Variants in ABCB5 observed in about 807,000 individuals in gnomAD.
ABCB5 encodes the protein ATP-binding cassette sub-family B member 5.
A neutral mutation model predicts 144.2 loss-of-function variants in ABCB5; 155 were observed. The observed-to-expected ratio is 1.08, with a 90% confidence interval of 0.94 to 1.23. ABCB5 has a LOEUF of 1.23. ABCB5 is among the 50% of genes most tolerant of loss of function. The probability of loss-of-function intolerance (pLI) is 0.00; values close to 1 mark genes in which losing one functional copy is unlikely to be tolerated. For missense variants in ABCB5, 1,830 were observed against 1,520.8 expected (o/e 1.20, Z -3.38); for synonymous variants, 610 against 528.6 (o/e 1.15, Z -2.11).
chr7:20,681,467 C>T (rs765364378), intron 14 of ABCB5, 38 bp from the exon 15 acceptor site: 1 of 1,607,026 alleles, frequency 6.2e-7, no homozygotes, highest in East Asian at 2.2e-5. Flanking sequence ...GTTATTTCTA[C>T]TAATGTCTAT....
intron 23 of ABCB5, among the ~76,000 whole-genome samples, chr7:20,730,163 A>T (rs1782161860): frequency 6.6e-6 from 1 of 152,232 alleles, no homozygotes; most frequent in Admixed American, 6.5e-5. Flanking sequence ...AGTTTCCTGG[A>T]AGCAGATTTC....
At chr7:20,640,704 A>G (rs1388570180) in intron 5 of ABCB5, among the ~76,000 whole-genome samples, 1 of 152,240 alleles carries the variant, frequency 6.6e-6, no homozygotes, top group Non-Finnish European at 1.5e-5. Flanking sequence ...GTGCATGTCC[A>G]TAAATAACCA....
chr7:20,628,606 T>C, intron 3 of ABCB5, 82 bp from the exon 4 acceptor site: 1 of 1,432,020 alleles, frequency 7.0e-7, no homozygotes, highest in South Asian at 1.3e-5. Context: ...GCAAAGGCTG[T>C]AGGCTGTTGT....
chr7:20,705,113 G>C (rs1786777501), intron 20 of ABCB5, among the ~76,000 whole-genome samples: 1 of 152,156 alleles, frequency 6.6e-6, no homozygotes, highest in South Asian at 2.1e-4. Flanking sequence ...ATAAGGAAAA[G>C]TAACGAAATG....
chr7:20,743,961 A>G (rs1782640275), intron 25 of ABCB5, among the ~76,000 whole-genome samples: 1 of 152,090 alleles, frequency 6.6e-6, no homozygotes, highest in African/African-American at 2.4e-5. Context: ...CAGGTCCTTC[A>G]TGCCCTGGCC....
chr7:20,754,655 T>C (rs555962556), intron 27 of ABCB5, among the ~76,000 whole-genome samples: 1 of 152,018 alleles, frequency 6.6e-6, no homozygotes, highest in South Asian at 2.1e-4. Flanking sequence ...CAAAACAAAA[T>C]CTATGAGAGA....
chr7:20,695,528 C>G (rs1046606314), intron 16 of ABCB5, among the ~76,000 whole-genome samples: 2 of 151,740 alleles, frequency 1.3e-5, no homozygotes, highest in African/African-American at 2.4e-5. Context: ...CTAAATATAA[C>G]AACAAATGCA....
intron 5 of ABCB5, among the ~76,000 whole-genome samples, chr7:20,640,395 C>G (rs1359802923): frequency 6.6e-6 from 1 of 151,982 alleles, no homozygotes; most frequent in African/African-American, 2.4e-5. Context: ...GTTGGTGATT[C>G]TTTAACATTG....
intron 14 of ABCB5, chr7:20,666,739 T>G: frequency 6.3e-7 from 1 of 1,598,186 alleles, no homozygotes; most frequent in Non-Finnish European, 8.5e-7. Flanking sequence ...AGGAAATTCT[T>G]TCAATATTGT....
chr7:20,689,216 T>A (rs1009489236), intron 16 of ABCB5, among the ~76,000 whole-genome samples: 2 of 152,036 alleles, frequency 1.3e-5, no homozygotes, highest in Non-Finnish European at 2.9e-5. Context: ...TGGAGTGAAA[T>A]ACAGCACCCA....
chr7:20,746,680 C>A (rs1782733631), intron 26 of ABCB5, among the ~76,000 whole-genome samples: 1 of 152,152 alleles, frequency 6.6e-6, no homozygotes, highest in South Asian at 2.1e-4. Flanking sequence ...TGTAGAGAAG[C>A]CTTTGGTAGT....
At chr7:20,659,393 C>T (rs73278684) in intron 14 of ABCB5, 157,436 of 1,203,968 alleles carry the variant, frequency 0.13, 10,659 homozygotes, top group African/African-American at 0.16. Context: ...GTGAGTTAAG[C>T]GTTTTTTTTT....
At chr7:20,673,608 G>T (rs1379560600) in intron 14 of ABCB5, among the ~76,000 whole-genome samples, 1 of 151,796 alleles carries the variant, frequency 6.6e-6, no homozygotes, top group East Asian at 1.9e-4. Flanking sequence ...GTGTTAGCAT[G>T]GTATGAGTTT....
chr7:20,701,244 T>C (rs771495733), intron 19 of ABCB5, among the ~76,000 whole-genome samples: 4 of 152,262 alleles, frequency 2.6e-5, no homozygotes, highest in Non-Finnish European at 5.9e-5. Context: ...TTTTAATTTA[T>C]GAATACTTTA....
At chr7:20,655,248 G>T (rs1321799375) in intron 13 of ABCB5, among the ~76,000 whole-genome samples, 1 of 152,086 alleles carries the variant, frequency 6.6e-6, no homozygotes, top group African/African-American at 2.4e-5. Flanking sequence ...GAGGCAGGTG[G>T]ATCACTTGAG....
intron 27 of ABCB5, among the ~76,000 whole-genome samples, chr7:20,754,426 T>A (rs1185634563): frequency 6.6e-6 from 1 of 152,258 alleles, no homozygotes; most frequent in Non-Finnish European, 1.5e-5. Flanking sequence ...ATGACCTTGG[T>A]CTAACCTCAG....
chr7:20,755,744 C>G lies in ABCB5; in HGVS notation c.*120C>G. ...TATCAATACCTAGAATCATGCTACT[C>G]AAGTACATACATGTTCTATTCACAC... On this transcript the variant is annotated 3_prime_UTR_variant, in exon 28 of 28. Transcript: ENST00000404938. 2.2e-6 allele frequency: 2 copies of G among 917,642 alleles called. No homozygotes were observed. Among genetic ancestry groups the G allele is most frequent in the Non-Finnish European group, 3.3e-6 (2 of 607,384 alleles). 56.8% of individuals were successfully genotyped at this position (917,642 alleles called of 1,614,324 possible). A position where few individuals can be genotyped will look rare whatever the true frequency, so the allele number is the denominator to read the frequency against.
chr7:20,632,706 T>C (rs1784063415), intron 5 of ABCB5, among the ~76,000 whole-genome samples: 1 of 152,090 alleles, frequency 6.6e-6, no homozygotes, highest in South Asian at 2.1e-4. Flanking sequence ...TTCATGTCCT[T>C]TGTAGGGACA....
At chr7:20,749,210 C>G (rs1267082973) in intron 26 of ABCB5, among the ~76,000 whole-genome samples, 1 of 136,342 alleles carries the variant, frequency 7.3e-6, no homozygotes, top group Non-Finnish European at 1.6e-5. Context: ...CCCTCCCTCC[C>G]TCCCTCCCCC....
Sources: gnomAD v4.1 joint callset for allele counts (sites outside exome capture counted in the v4.1 genomes callset) on GRCh38, gnomAD v4.1.1 for gene constraint, MANE v1.5 for transcripts, NCBI Gene and HGNC (gene_info 2026-07-23, HGNC 2026-07-21) for gene names.